The following CEP295 variants were observed in gnomAD, a reference collection of about 807,000 sequenced individuals.
CEP295 encodes centrosomal protein 295.
Under a neutral mutation model 291.6 loss-of-function variants are expected in CEP295, and 190 were observed. The observed-to-expected ratio is 0.65, with a 90% confidence interval of 0.58 to 0.73. The LOEUF (loss-of-function observed/expected upper bound fraction) is 0.73, where lower values mean the gene tolerates loss of function less well. CEP295 is among the 30% of genes least tolerant of loss of function. CEP295 has a pLI of 0.00. For missense variants in CEP295, 2,863 were observed against 2,949.4 expected, an observed-to-expected ratio of 0.97 and a Z score of 0.68; for synonymous variants, 993 against 1,038.8, an observed-to-expected ratio of 0.96 and a Z score of 0.85.
intron 18 of CEP295, among the ~76,000 whole-genome samples, chr11:93,708,524 G>A (rs553523743): frequency 6.6e-6 from 1 of 152,094 alleles, no homozygotes; most frequent in Non-Finnish European, 1.5e-5. Flanking sequence ...ATTGTGATAC[G>A]TGCCACTTTT....
intron 10 of CEP295, among the ~76,000 whole-genome samples, chr11:93,689,083 C>A (rs1951387700): frequency 6.6e-6 from 1 of 152,164 alleles, no homozygotes; most frequent in African/African-American, 2.4e-5. Flanking sequence ...CCATTTCTTT[C>A]CACCTACATC....
Position 93,696,771 on chromosome 11 carries a change from C to T in CEP295, c.1859C>T (p.Pro620Leu). 6.4e-7 allele frequency: 1 copy of T among 1,551,572 alleles called. No individual in the cohort carries two copies. The highest frequency in any genetic ancestry group is 8.7e-7 in the Non-Finnish European group (1 of 1,146,868). Residue 620 changes from proline to leucine, a missense_variant, in exon 15 of 30, where the codon CCA (proline) becomes CTA (leucine). This residue lies in a region of CEP295 where 2,295 missense variants were observed against 2,335.7 expected (regional missense o/e 0.98). Coordinates refer to ENST00000325212, the MANE Select transcript of CEP295 (RefSeq NM_033395.2). ...GGAAGGTGCCCATCGGTGTCAGCTC[C>T]ATCATTGATAACTGATTCTGTTATA... ...LKGRCPSVSA[P>L]SLITDSVISV...
intron 6 of CEP295, 89 bp downstream of exon 6, chr11:93,675,755 C>A (rs1441955402): frequency 2.9e-6 from 2 of 686,650 alleles, no homozygotes; most frequent in Non-Finnish European, 4.7e-6. Flanking sequence ...GTATGGTGTT[C>A]CCAGATTTCA....
In CEP295 at chr11:93,695,612, GAAAAA is replaced by G; in HGVS notation, c.1653_1657del (p.Lys551AsnfsTer18). The G allele has an allele frequency of 6.9e-7, 1 of 1,440,852 alleles. No individual in the cohort carries two copies. The highest frequency in any genetic ancestry group is 9.1e-7 in the Non-Finnish European group (1 of 1,098,276). 89.3% of individuals were successfully genotyped at this position (1,440,852 alleles called of 1,614,324 possible). Reference sequence around the variant, plus strand: ...AGGGCTCAGCTGGAAGAAGAAAAAAGAAAAAAAACTCAACCGACTGGGGTAGGATG... The same window carrying G: ...AGGGCTCAGCTGGAAGAAGAAAAAAGAAACTCAACCGACTGGGGTAGGATG... On this transcript the variant is annotated frameshift_variant, in exon 13 of 30. Transcript: ENST00000325212. LOFTEE classifies it high-confidence loss of function.
At position 93,661,727 on chromosome 11, in the gene CEP295, T is replaced by C. The variant is rs1949994730; in HGVS notation, c.-74T>C. On this transcript the variant is annotated 5_prime_UTR_variant, in exon 1 of 30. Transcript: ENST00000325212. ...GCTGATGGGCAGGAGCTTACCAGGCTGGCTTGCTCTGAGCTGCGGTTACTG... is the reference window on the plus strand; with the variant it reads ...GCTGATGGGCAGGAGCTTACCAGGCCGGCTTGCTCTGAGCTGCGGTTACTG... 1 of 152,722 alleles carries C rather than the reference T, an allele frequency of 6.5e-6. No homozygotes were observed. Among genetic ancestry groups the C allele is most frequent in the African/African-American group, 2.4e-5 (1 of 41,460 alleles). 9.5% of individuals were successfully genotyped at this position (152,722 alleles called of 1,614,324 possible).
At chr11:93,685,097 CA>C (rs1451505018) in intron 9 of CEP295, among the ~76,000 whole-genome samples, 9 of 152,346 alleles carry the variant, frequency 5.9e-5, no homozygotes, top group African/African-American at 2.2e-4. Context: ...AATGGTATCA[CA>C]GTCTGCAGTT....
In CEP295 at chr11:93,699,393, C is replaced by G. The variant is rs1393768609; in HGVS notation, c.4481C>G (p.Ser1494Cys). Residue 1494 changes from serine (S) to cysteine (C), a missense_variant, in exon 15 of 30, where the codon TCT becomes TGT. Ser to Cys is a moderately radical substitution (Grantham distance 112). Around this residue, in one of 3 missense-constraint regions of CEP295, gnomAD observed 2,295 missense variants for 2,335.7 expected, o/e 0.98. Coordinates refer to ENST00000325212, the MANE Select transcript of CEP295 (RefSeq NM_033395.2). ...KPCKFEEKVS[S>C]EHFIQSHHGD... The stretch of plus-strand genomic sequence containing the variant: ...TGTAAATTTGAGGAAAAGGTATCTT[C>G]TGAGCATTTTATCCAGTCTCACCAT... The G allele has an allele frequency of 1.3e-6, 2 of 1,551,816 alleles. No individual in the cohort carries two copies. Among genetic ancestry groups the G allele is most frequent in the South Asian group, 2.4e-5 (2 of 84,054 alleles).
Position 93,700,150 on chromosome 11 carries a change from T to C in CEP295, c.5238T>C (p.His1746=), listed in dbSNP as rs1952062196. The part of the protein sequence containing the change: ...QTALQQQIQK[H]EETLKDFFKD... ...CATTGCAGCAGCAGATACAGAAACA[T>C]GAAGAGACTTTGAAGGATTTCTTTA... is the stretch of plus-strand genomic sequence containing the variant. Residue 1746 remains histidine, a synonymous_variant, in exon 15 of 30, where the codon CAT becomes CAC. Coordinates refer to ENST00000325212, the MANE Select transcript of CEP295 (RefSeq NM_033395.2). 6.5e-7 allele frequency: 1 copy of C among 1,550,372 alleles called. No individual in the cohort carries two copies. Among genetic ancestry groups the C allele is most frequent in the African/African-American group, 1.4e-5 (1 of 72,988 alleles).
At chr11:93,708,923 G>C (rs188471272) in intron 18 of CEP295, among the ~76,000 whole-genome samples, 6 of 152,146 alleles carry the variant, frequency 3.9e-5, no homozygotes, top group Admixed American at 2.0e-4. Context: ...CTTTTCATTT[G>C]CCTGTTTGCC....
At chr11:93,671,578 C>G (rs1457316060) in intron 5 of CEP295, among the ~76,000 whole-genome samples, 3 of 152,096 alleles carry the variant, frequency 2.0e-5, no homozygotes, top group Admixed American at 6.6e-5. Context: ...AAACTAAGAT[C>G]TGGGTGATTA....
chr11:93,665,653 A>G (rs1043251787), intron 1 of CEP295, among the ~76,000 whole-genome samples: 1 of 152,256 alleles, frequency 6.6e-6, no homozygotes, highest in African/African-American at 2.4e-5. Context: ...GGTTGTGGTA[A>G]GCCAAGATTG....
In CEP295 at chr11:93,696,809, T is replaced by A. The variant is rs966870257; in HGVS notation, c.1897T>A (p.Trp633Arg). ...ITDSVISVPS[W>R]KSERPTAISE... Reference sequence around the variant, plus strand: ...TGATTCTGTTATATCAGTGCCATCATGGAAATCTGAGAGACCGACTGCTAT... The same window carrying A: ...TGATTCTGTTATATCAGTGCCATCAAGGAAATCTGAGAGACCGACTGCTAT... Residue 633 changes from tryptophan (W) to arginine (R), a missense_variant, in exon 15 of 30, where the codon TGG becomes AGG. Around this residue, in one of 3 missense-constraint regions of CEP295, gnomAD observed 2,295 missense variants for 2,335.7 expected, o/e 0.98. Transcript: ENST00000325212. 1.3e-6 allele frequency: 2 copies of A among 1,551,734 alleles called. No homozygotes were observed. Among genetic ancestry groups the A allele is most frequent in the Admixed American group, 3.9e-5 (2 of 51,000 alleles).
Position 93,698,508 on chromosome 11 carries a change from C to T in CEP295, c.3596C>T (p.Ser1199Phe). ...AGTGAATTGGAGAAAAGAATTTCTT[C>T]TGAACAGACTGGCACCTCCTCATCC... ...TESELEKRIS[S>F]EQTGTSSSLS... The change falls in exon 15 of 30, where the codon TCT becomes TTT. Residue 1199 changes from serine to phenylalanine, a missense_variant. This residue lies in a region of CEP295 where 2,295 missense variants were observed against 2,335.7 expected (regional missense o/e 0.98). Coordinates refer to ENST00000325212, the MANE Select transcript of CEP295 (RefSeq NM_033395.2). 1 of 1,552,000 alleles carries T rather than the reference C, an allele frequency of 6.4e-7. No individual in the cohort carries two copies.
chr11:93,680,105 C>T (rs560463726), intron 7 of CEP295, among the ~76,000 whole-genome samples: 2 of 152,058 alleles, frequency 1.3e-5, no homozygotes, highest in South Asian at 2.1e-4. Flanking sequence ...GGAGAAACCA[C>T]GTCTCTACTT....
chr11:93,686,348 C>T (rs1242800558), intron 9 of CEP295, among the ~76,000 whole-genome samples: 1 of 151,666 alleles, frequency 6.6e-6, no homozygotes, highest in African/African-American at 2.4e-5. Context: ...TTTACTCTTT[C>T]ATGCAGCTTT....
Position 93,706,762 on chromosome 11 carries a change from G to A in CEP295, c.5614G>A (p.Glu1872Lys). 6.5e-7 allele frequency: 1 copy of A among 1,536,678 alleles called. No homozygotes were observed. Among genetic ancestry groups the A allele is most frequent in the Non-Finnish European group, 8.8e-7 (1 of 1,141,536 alleles). ...CCCCCCAGGTAAACCAGGTATTTATGAAGACAGAGACCCCCTGCGAGTCTC... is the reference window on the plus strand; with the variant it reads ...CCCCCCAGGTAAACCAGGTATTTATAAAGACAGAGACCCCCTGCGAGTCTC... ...TSILGKPGIY[E>K]DRDPLRVSIS... Residue 1872 changes from glutamate (E) to lysine (K), a missense_variant, in exon 18 of 30, where the codon GAA becomes AAA. Coordinates refer to ENST00000325212, the MANE Select transcript of CEP295 (RefSeq NM_033395.2).
At position 93,725,795 on chromosome 11, in the gene CEP295, G is replaced by A; in HGVS notation, c.6463G>A (p.Gly2155Arg). The A allele has an allele frequency of 6.4e-7, 1 of 1,551,266 alleles. No individual in the cohort carries two copies. Among genetic ancestry groups the A allele is most frequent in the Non-Finnish European group, 8.7e-7 (1 of 1,146,892 alleles). Reference protein sequence around the residue: ...QQPDTNLAHVGAHSFATENII... With the variant: ...QQPDTNLAHVRAHSFATENII... ...ACCTGACACTAACTTGGCTCATGTT[G>A]GAGCTCACAGTTTTGCTACAGAAAA... Residue 2155 changes from glycine to arginine, a missense_variant, in exon 23 of 30, where the codon GGA (glycine) becomes AGA (arginine). Physicochemically the swap from Gly to Arg is moderately radical, Grantham distance 125. Coordinates refer to ENST00000325212, the MANE Select transcript of CEP295 (RefSeq NM_033395.2).
In CEP295 at chr11:93,724,299, C is replaced by G. The variant is rs1447662858; in HGVS notation, c.6242C>G (p.Pro2081Arg). ...AATTTGCATCATCAGCTGTTTAAAC[C>G]CTTAGAACCACATCCAGATTTTGAC... is the stretch of plus-strand genomic sequence containing the variant. ...FPNLHHQLFK[P>R]LEPHPDFDLS... is the part of the protein sequence containing the mutation. The change falls in exon 22 of 30, where the codon CCC becomes CGC. Residue 2081 changes from proline to arginine, a missense_variant. Transcript: ENST00000325212. 6.4e-7 allele frequency: 1 copy of G among 1,550,602 alleles called. No homozygotes were observed. Among genetic ancestry groups the G allele is most frequent in the Admixed American group, 2.0e-5 (1 of 50,976 alleles).
chr11:93,723,127 C>T lies in CEP295; in HGVS notation c.6034C>T (p.Pro2012Ser). 1 of 1,551,856 alleles carries T rather than the reference C, an allele frequency of 6.4e-7. No homozygotes were observed. The highest frequency in any genetic ancestry group is 8.7e-7 in the Non-Finnish European group (1 of 1,146,910). Reference protein sequence around the residue: ...EETNIISSIVPSTQDIYQRQN... With the variant: ...EETNIISSIVSSTQDIYQRQN... ...AACAAATATTATAAGTTCCATAGTT[C>T]CTTCAACACAAGATATTTATCAGCG... is the stretch of plus-strand genomic sequence containing the variant. The change falls in exon 21 of 30, where the codon CCT (proline) becomes TCT (serine). Residue 2012 changes from proline (P) to serine (S), a missense_variant. Coordinates refer to ENST00000325212, the MANE Select transcript of CEP295 (RefSeq NM_033395.2).
Sources: gnomAD v4.1 joint callset for allele counts (sites outside exome capture counted in the v4.1 genomes callset) on GRCh38, gnomAD v4.1.1 for gene constraint, gnomAD v4.1.1 regional missense constraint, MANE v1.5 for transcripts, NCBI Gene and HGNC (gene_info 2026-07-23, HGNC 2026-07-21) for gene names.